The following RAI1 variants were observed in gnomAD, a reference collection of about 807,000 sequenced individuals.
RAI1 encodes the protein retinoic acid-induced protein 1.
A neutral mutation model predicts 123.8 loss-of-function variants in RAI1; 9 were observed. That is an observed-to-expected ratio of 0.07 (90% CI 0.04 to 0.13). The LOEUF is 0.13. RAI1 is among the 10% of genes least tolerant of loss of function. The pLI is 1.00. For missense variants in RAI1, 2,256 were observed against 2,545.8 expected (o/e 0.89, Z 2.45); for synonymous variants, 1,231 against 1,127.3 (o/e 1.09, Z -1.84).
intron 2 of RAI1, among the ~76,000 whole-genome samples, chr17:17,742,839 T>C (rs895598371): frequency 6.6e-6 from 1 of 152,194 alleles, no homozygotes; most frequent in African/African-American, 2.4e-5. Flanking sequence ...CTGTCCCCAG[T>C]GAGATCTGGA....
intron 1 of RAI1, among the ~76,000 whole-genome samples, chr17:17,707,441 C>T (rs1194404569): frequency 6.6e-6 from 1 of 152,040 alleles, no homozygotes; most frequent in Non-Finnish European, 1.5e-5. Context: ...CGAGGGAGGT[C>T]AGTGAACCTT....
Position 17,809,078 on chromosome 17 carries a change from G to GT in RAI1, c.5660-311dup, listed in dbSNP as rs1405994524. 1 of 457,330 alleles carries GT rather than the reference G, an allele frequency of 2.2e-6. No homozygotes were observed. The highest frequency in any genetic ancestry group is 2.0e-5 in the African/African-American group (1 of 49,684). 28.3% of individuals were successfully genotyped at this position (457,330 alleles called of 1,614,324 possible). A position where few individuals can be genotyped will look rare whatever the true frequency, so the allele number is the denominator to read the frequency against. On this transcript the variant is annotated intron_variant, in intron 4 of 5. Transcript: ENST00000353383. This position sits in a 1 kb window ranked among gnomAD's most constrained non-coding sequence, Gnocchi z 4.9. ...GGCAGTGACAAGTGTGGCTGGCAGA[G>GT]TAAGGCGGGAGGGAGGGAGGGACTG...
intron 1 of RAI1, among the ~76,000 whole-genome samples, chr17:17,706,411 G>C (rs1915396809): frequency 6.6e-6 from 1 of 152,210 alleles, no homozygotes; most frequent in Non-Finnish European, 1.5e-5. Flanking sequence ...GGTGAAACAA[G>C]AGGCCAGCTG....
chr17:17,719,317 ATC>A (rs1312574950), intron 1 of RAI1, among the ~76,000 whole-genome samples: 3 of 152,154 alleles, frequency 2.0e-5, no homozygotes, highest in Middle Eastern at 3.4e-3. Context: ...CTCTGCCCAC[ATC>A]TCTTTCTGCT....
intron 2 of RAI1, among the ~76,000 whole-genome samples, chr17:17,780,563 T>C (rs1397641797): frequency 6.6e-6 from 1 of 152,170 alleles, no homozygotes; most frequent in African/African-American, 2.4e-5. Context: ...AGGCTGGAGT[T>C]TGGAATACCC....
Position 17,798,489 on chromosome 17 carries a change from G to A in RAI1, c.5541G>A (p.Glu1847=). ...CCGGGAAGCTCTTTGGGCTGCAGGA[G>A]GCCATGAAGGTGGCCGTGGACATGG... ...LVAGKLFGLQ[E]AMKVAVDMMC... Residue 1847 remains glutamate (E), a synonymous_variant, in exon 3 of 6, where the codon GAG becomes GAA. Transcript: ENST00000353383. The A allele has an allele frequency of 6.2e-7, 1 of 1,602,730 alleles. No homozygotes were observed. Among genetic ancestry groups the A allele is most frequent in the Non-Finnish European group, 8.5e-7 (1 of 1,179,898 alleles).
rs1567924169 is a variant in RAI1, at chr17:17,796,479, C to G, written c.3531C>G (p.Leu1177=). 1 of 1,611,750 alleles carries G rather than the reference C, an allele frequency of 6.2e-7. No homozygotes were observed. Among genetic ancestry groups the G allele is most frequent in the Non-Finnish European group, 8.5e-7 (1 of 1,179,870 alleles). The change falls in exon 3 of 6, where the codon CTC becomes CTG. Residue 1177 remains leucine, a synonymous_variant. Transcript: ENST00000353383. The surrounding 1 kb of genome is among the most constrained non-coding windows in gnomAD (Gnocchi z 5.8). ...CCAACTGCCGTGCCACCAAGAAGCTCCTCGACAACAGCCACTTGCCCGCCA... is the reference window on the plus strand; with the variant it reads ...CCAACTGCCGTGCCACCAAGAAGCTGCTCGACAACAGCCACTTGCCCGCCA... ...RLPNCRATKK[L]LDNSHLPATF... is the part of the protein sequence containing the mutation.
At chr17:17,805,485 C>T (rs2032578000) in intron 4 of RAI1, among the ~76,000 whole-genome samples, 1 of 152,158 alleles carries the variant, frequency 6.6e-6, no homozygotes, top group South Asian at 2.1e-4. Flanking sequence ...AGTCCAGGCC[C>T]CCCCAGGCTC....
chr17:17,788,734 C>T (rs940514943), intron 2 of RAI1, among the ~76,000 whole-genome samples: 1 of 152,178 alleles, frequency 6.6e-6, no homozygotes, highest in African/African-American at 2.4e-5. Context: ...TTCTTTCTCC[C>T]TCTCTCCCTG....
intron 2 of RAI1, chr17:17,779,616 C>T (rs1240089855): frequency 6.6e-6 from 1 of 152,254 alleles, no homozygotes; most frequent in Non-Finnish European, 1.5e-5. Context: ...GATGAAGGAA[C>T]AAGACCCATG....
intron 2 of RAI1, 47 bp from the exon 3 acceptor site, chr17:17,792,886 C>T (rs2032070913): frequency 3.7e-6 from 2 of 539,808 alleles, no homozygotes; most frequent in Admixed American, 2.3e-5. Flanking sequence ...TGCCCATCCT[C>T]CCCTCCCTCC....
At chr17:17,701,629 T>G (rs1394446856) in intron 1 of RAI1, among the ~76,000 whole-genome samples, 2 of 152,172 alleles carry the variant, frequency 1.3e-5, no homozygotes, top group African/African-American at 4.8e-5. Context: ...GCATCTTGCT[T>G]TGTTGCCCAG....
At chr17:17,786,315 A>G (rs80318113) in intron 2 of RAI1, among the ~76,000 whole-genome samples, 3,214 of 152,306 alleles carry the variant, frequency 0.021, 47 homozygotes, top group Non-Finnish European at 0.034. Flanking sequence ...ATTTTCACAG[A>G]GTTACTGTGA....
chr17:17,712,064 A>T (rs1915582581), intron 1 of RAI1, among the ~76,000 whole-genome samples: 1 of 152,244 alleles, frequency 6.6e-6, no homozygotes, highest in African/African-American at 2.4e-5. Context: ...TTTAAACCAC[A>T]CATGTCCGCA....
intron 2 of RAI1, among the ~76,000 whole-genome samples, chr17:17,750,684 C>T (rs1414414608): frequency 7.8e-6 from 1 of 128,104 alleles, no homozygotes; most frequent in Non-Finnish European, 1.6e-5. Flanking sequence ...CATTGTACTC[C>T]GTCTCAAAAA....
intron 2 of RAI1, among the ~76,000 whole-genome samples, chr17:17,780,872 C>T (rs1044320680): frequency 2.0e-5 from 3 of 152,340 alleles, no homozygotes; most frequent in Middle Eastern, 3.4e-3. Context: ...GGCTGTGTCC[C>T]TGTCTCTCCC....
chr17:17,694,109 G>T (rs572118912), intron 1 of RAI1, among the ~76,000 whole-genome samples: 2 of 152,290 alleles, frequency 1.3e-5, no homozygotes, highest in Admixed American at 6.5e-5. Context: ...AGGGATTCAG[G>T]GTCTCCTGGG....
intron 2 of RAI1, among the ~76,000 whole-genome samples, chr17:17,753,808 A>G (rs960277324): frequency 6.6e-6 from 1 of 152,256 alleles, no homozygotes; most frequent in African/African-American, 2.4e-5. Flanking sequence ...TCCAGGCTCT[A>G]GAAAGTCTAC....
At chr17:17,792,846 G>C in intron 2 of RAI1, 87 bp from the exon 3 acceptor site, 2 of 1,106,402 alleles carry the variant, frequency 1.8e-6, no homozygotes, top group Non-Finnish European at 1.3e-6. Flanking sequence ...GAAGTGGCCC[G>C]TCTGAATCGC....
Sources: gnomAD v4.1 joint callset for allele counts (sites outside exome capture counted in the v4.1 genomes callset) on GRCh38, gnomAD v4.1.1 for gene constraint, Gnocchi (gnomAD v3.1) non-coding constraint, MANE v1.5 for transcripts, NCBI Gene and HGNC (gene_info 2026-07-23, HGNC 2026-07-21) for gene names.